The following RCOR1 variants were observed in gnomAD, a reference collection of about 807,000 sequenced individuals.
The protein encoded by RCOR1 is REST corepressor 1, also known as REST corepressor.
Under a neutral mutation model 64.0 loss-of-function variants are expected in RCOR1, and 12 were observed. The ratio of observed to expected loss-of-function variants is 0.19; its 90% CI spans 0.12 to 0.30. The LOEUF (loss-of-function observed/expected upper bound fraction) is 0.30. Among genes scored for constraint, RCOR1 ranks in the 10% least tolerant of loss-of-function variants. RCOR1 has a pLI of 1.00. For synonymous variants in RCOR1, 279 were observed against 227.2 expected, an observed-to-expected ratio of 1.23 and a Z score of -2.05; for missense variants, 502 against 621.2, an observed-to-expected ratio of 0.81 and a Z score of 2.04.
At chr14:102,633,828 C>T (rs1333450643) in intron 2 of RCOR1, among the ~76,000 whole-genome samples, 1 of 152,154 alleles carries the variant, frequency 6.6e-6, no homozygotes, top group African/African-American at 2.4e-5. Flanking sequence ...CATGAGCCAC[C>T]GTACCCAGTC....
In RCOR1 at chr14:102,593,060, C is replaced by T; in HGVS notation, c.174C>T (p.Ala58=). Residue 58 remains alanine (A), a synonymous_variant, in exon 1 of 12, where the codon GCC becomes GCT. Coordinates refer to ENST00000262241, the MANE Select transcript of RCOR1 (RefSeq NM_015156.4). ...CCGCCTCCTCAGCCTCGGCCGCCGC[C>T]GCCTCAGCCGCCGCCGCCCCCAATA... is the stretch of plus-strand genomic sequence containing the variant. ...GAAASSASAA[A]ASAAAAPNNG... is the part of the protein sequence containing the mutation. The T allele has an allele frequency of 7.1e-7, 1 of 1,399,828 alleles. No individual in the cohort carries two copies. Among genetic ancestry groups the T allele is most frequent in the Non-Finnish European group, 9.4e-7 (1 of 1,069,482 alleles). The allele number at this position is 1,399,828 out of a possible 1,614,324, so 86.7% of individuals were successfully genotyped here.
chr14:102,698,373 A>T lies in RCOR1; in HGVS notation c.446-2905A>T, dbSNP rs376374959. ...GCAGGACTAGCCCCTGTGCTGGGCCACTCCAGGGACTCCTGCATCACTTTT... is the reference window on the plus strand; with the variant it reads ...GCAGGACTAGCCCCTGTGCTGGGCCTCTCCAGGGACTCCTGCATCACTTTT... On this transcript the variant is annotated intron_variant, in intron 3 of 11. Transcript: ENST00000262241. Among the ~76,000 whole-genome samples the T allele has an allele frequency of 6.6e-5, 10 of 152,212 alleles. No homozygotes were observed. In the East Asian group the frequency reaches 9.6e-4, roughly 15 times the overall value.
At chr14:102,684,663 C>T (rs889680775) in intron 3 of RCOR1, among the ~76,000 whole-genome samples, 1 of 152,056 alleles carries the variant, frequency 6.6e-6, no homozygotes. Context: ...AAAAAAAATT[C>T]ACCTATTATT....
At position 102,631,327 on chromosome 14, in the gene RCOR1, C is replaced by G. The variant is rs973823799; in HGVS notation, c.361+38002C>G. Among the ~76,000 whole-genome samples, 3 of 151,868 alleles carry G rather than the reference C, an allele frequency of 2.0e-5. No individual in the cohort carries two copies. In the South Asian group the frequency reaches 6.2e-4, roughly 32 times the overall value. ...ACGCCGTTCTCCTGCCTCAGCCTCC[C>G]GAGTAGCTGGGACTACAGGCACCCG... On this transcript the variant is annotated intron_variant, in intron 2 of 11. Coordinates refer to ENST00000262241, the MANE Select transcript of RCOR1 (RefSeq NM_015156.4).
intron 2 of RCOR1, among the ~76,000 whole-genome samples, chr14:102,608,140 C>T (rs957438214): frequency 6.6e-6 from 1 of 152,102 alleles, no homozygotes; most frequent in Admixed American, 6.6e-5. Context: ...GAGCCACTGC[C>T]CTTGTCTAGT....
rs1207667772 is a variant in RCOR1, at chr14:102,592,999, G to A, written c.113G>A (p.Cys38Tyr). The A allele has an allele frequency of 8.5e-7, 1 of 1,180,362 alleles. No individual in the cohort carries two copies. Among genetic ancestry groups the A allele is most frequent in the Middle Eastern group, 3.5e-4 (1 of 2,878 alleles). The allele number at this position is 1,180,362 out of a possible 1,614,324, so 73.1% of individuals were successfully genotyped here. A position where few individuals can be genotyped will look rare whatever the true frequency, so the allele number is the denominator to read the frequency against. Residue 38 changes from cysteine to tyrosine, a missense_variant, in exon 1 of 12, where the codon TGC (cysteine) becomes TAC (tyrosine). Transcript: ENST00000262241. ...GCCTCCGCCGCCGCCTCGGCCGCCT[G>A]CGCCTCGCCAGCCGCCACTGCCGCC... is the stretch of plus-strand genomic sequence containing the variant. Reference protein sequence around the residue: ...AAASAAASAACASPAATAASG... With the variant: ...AAASAAASAAYASPAATAASG...
At chr14:102,717,205 A>T (rs1390923255) in intron 8 of RCOR1, among the ~76,000 whole-genome samples, 1 of 152,210 alleles carries the variant, frequency 6.6e-6, no homozygotes, top group African/African-American at 2.4e-5. Flanking sequence ...CTGTCCTTTC[A>T]TTCTCTCTCT....
chr14:102,712,100 C>G (rs975370597), intron 7 of RCOR1, among the ~76,000 whole-genome samples: 1 of 152,084 alleles, frequency 6.6e-6, no homozygotes, highest in Non-Finnish European at 1.5e-5. Context: ...CCGCCAACTC[C>G]TGGGCTCAAG....
chr14:102,680,957 G>A (rs1025843791), intron 2 of RCOR1, among the ~76,000 whole-genome samples: 2 of 151,792 alleles, frequency 1.3e-5, no homozygotes, highest in Non-Finnish European at 2.9e-5. Flanking sequence ...ATTCTGTTAC[G>A]GTTCTTTAAA....
intron 2 of RCOR1, among the ~76,000 whole-genome samples, chr14:102,654,468 G>A (rs1328555628): frequency 1.3e-5 from 2 of 152,112 alleles, no homozygotes; most frequent in South Asian, 2.1e-4. Context: ...GTGGGTTTCC[G>A]ATGACACACA....
chr14:102,704,682 G>A lies in RCOR1; in HGVS notation c.499-2669G>A, dbSNP rs553758708. 5.3e-5 allele frequency among the ~76,000 whole-genome samples: 8 copies of A among 152,348 alleles called. No individual in the cohort carries two copies. The South Asian group carries it at 1.4e-3, about 28-fold the overall frequency. ...CCTGACCTCGTGATCCACTCACGTC[G>A]GCCTTCCGAAGTGCTGGGATTATAG... On this transcript the variant is annotated intron_variant, in intron 4 of 11. Coordinates refer to ENST00000262241, the MANE Select transcript of RCOR1 (RefSeq NM_015156.4).
chr14:102,604,584 G>A (rs2139883315), intron 2 of RCOR1, among the ~76,000 whole-genome samples: 1 of 152,276 alleles, frequency 6.6e-6, no homozygotes, highest in Admixed American at 6.5e-5. Context: ...TAGTCTTATG[G>A]TTGAACCTAA....
chr14:102,701,157 G>A, intron 3 of RCOR1, 121 bp from the exon 4 acceptor site: 1 of 811,668 alleles, frequency 1.2e-6, no homozygotes, highest in Non-Finnish European at 2.1e-6. Flanking sequence ...ATGAGATTTG[G>A]GTGGGGACAC....
At chr14:102,617,815 C>G (rs1390437974) in intron 2 of RCOR1, among the ~76,000 whole-genome samples, 1 of 151,878 alleles carries the variant, frequency 6.6e-6, no homozygotes. Flanking sequence ...GTCTCGAACT[C>G]CTGACCTTGT....
chr14:102,723,257 A>G (rs939304004), intron 11 of RCOR1, among the ~76,000 whole-genome samples: 3 of 152,166 alleles, frequency 2.0e-5, no homozygotes, highest in Non-Finnish European at 2.9e-5. Flanking sequence ...GAGATTACCT[A>G]TTTTGTATTG....
chr14:102,725,614 C>T (rs995950672), intron 11 of RCOR1, among the ~76,000 whole-genome samples: 1 of 152,048 alleles, frequency 6.6e-6, no homozygotes, highest in Admixed American at 6.5e-5. Flanking sequence ...TGTTCTGTTG[C>T]CCAGAGCAAG....
intron 2 of RCOR1, among the ~76,000 whole-genome samples, chr14:102,629,327 TA>T (rs1894054335): frequency 6.6e-6 from 1 of 152,136 alleles, no homozygotes; most frequent in Admixed American, 6.6e-5. Context: ...CATTTACTCT[TA>T]TCGTCATCTA....
At chr14:102,693,294 CCATAAGG>C (rs1373119835) in intron 3 of RCOR1, among the ~76,000 whole-genome samples, 2 of 152,102 alleles carry the variant, frequency 1.3e-5, no homozygotes, top group Admixed American at 1.3e-4. Flanking sequence ...CATGCGGGTT[CCATAAGG>C]GCAGAGATTG....
At chr14:102,657,464 ATCCT>A (rs1894750251) in intron 2 of RCOR1, 2 of 984,076 alleles carry the variant, frequency 2.0e-6, no homozygotes, top group African/African-American at 1.7e-5. Context: ...AGTCTTACTC[ATCCT>A]TTTTGATATT....
Sources: allele counts gnomAD v4.1 joint callset (sites outside exome capture counted in the v4.1 genomes callset), GRCh38; gene constraint gnomAD v4.1.1; transcripts MANE v1.5; gene names NCBI Gene and HGNC (gene_info 2026-07-23, HGNC 2026-07-21).